The following PHF14 variants were observed in gnomAD, a reference collection of about 807,000 sequenced individuals.
The protein encoded by PHF14 is PHD finger protein 14.
A neutral mutation model predicts 117.9 loss-of-function variants in PHF14; 55 were observed. The observed-to-expected ratio is 0.47, with a 90% confidence interval of 0.38 to 0.58. PHF14 has a LOEUF of 0.58. Among genes scored for constraint, PHF14 ranks in the 20% least tolerant of loss-of-function variants. The pLI is 0.00. For missense variants in PHF14, 978 were observed against 1,122.2 expected (o/e 0.87, Z 1.84); for synonymous variants, 409 against 368.6 (o/e 1.11, Z -1.26).
At chr7:10,974,758 A>G (rs1168644261) in intron 1 of PHF14, 77 bp from the exon 2 acceptor site, 5 of 757,020 alleles carry the variant, frequency 6.6e-6, no homozygotes, top group South Asian at 5.1e-5. Flanking sequence ...GGTCATCTTT[A>G]TGTTCTCTTA....
chr7:11,161,764 G>A (rs1001497004), intron 17 of PHF14, among the ~76,000 whole-genome samples: 12 of 102,346 alleles, frequency 1.2e-4, no homozygotes, highest in Non-Finnish European at 2.5e-4. Context: ...TTAGATTTTA[G>A]ATAACATTTT....
Position 11,130,806 on chromosome 7 carries a change from T to C in PHF14, c.2772+19339T>C, listed in dbSNP as rs1788073929. 6.6e-6 allele frequency among the ~76,000 whole-genome samples: 1 copy of C among 151,942 alleles called. No individual in the cohort carries two copies. The highest frequency in any genetic ancestry group is 2.4e-5 in the African/African-American group (1 of 41,400). Reference sequence around the variant, plus strand: ...ACAGAATAGTTCACTGCCCTAAAGATCTCCTGTGCTCTGCCTATTCACCAC... The same window carrying C: ...ACAGAATAGTTCACTGCCCTAAAGACCTCCTGTGCTCTGCCTATTCACCAC... On this transcript the variant is annotated intron_variant, in intron 17 of 17. Transcript: ENST00000634607. This position sits in a 1 kb window ranked among gnomAD's most constrained non-coding sequence, Gnocchi z 4.2.
At chr7:11,123,832 C>T (rs112844620) in intron 17 of PHF14, among the ~76,000 whole-genome samples, 37 of 147,284 alleles carry the variant, frequency 2.5e-4, no homozygotes, top group Non-Finnish European at 4.1e-4. Context: ...CTGGGTGAAT[C>T]GCTTGAACCC....
At chr7:11,141,838 T>G (rs1219024294) in intron 17 of PHF14, among the ~76,000 whole-genome samples, 1 of 151,880 alleles carries the variant, frequency 6.6e-6, no homozygotes, top group African/African-American at 2.4e-5. Flanking sequence ...ATAGATTTTT[T>G]TATTCCTACT....
intron 17 of PHF14, among the ~76,000 whole-genome samples, chr7:11,142,933 A>T (rs767209483): frequency 1.7e-4 from 26 of 152,154 alleles, no homozygotes; most frequent in Non-Finnish European, 3.2e-4. Context: ...TTCTTCCCAC[A>T]CAGAAATTGT....
chr7:10,984,822 T>G (rs1782158134), intron 3 of PHF14, among the ~76,000 whole-genome samples: 1 of 152,180 alleles, frequency 6.6e-6, no homozygotes, highest in African/African-American at 2.4e-5. Flanking sequence ...TGTTGGTTGT[T>G]TAGTTTTTTT....
intron 17 of PHF14, among the ~76,000 whole-genome samples, chr7:11,122,448 T>A (rs1367785182): frequency 1.4e-5 from 2 of 142,742 alleles, no homozygotes; most frequent in African/African-American, 5.3e-5. Flanking sequence ...TATACGTATA[T>A]ATATATATTG....
intron 16 of PHF14, among the ~76,000 whole-genome samples, chr7:11,075,301 T>G (rs976359625): frequency 6.6e-6 from 1 of 152,148 alleles, no homozygotes; most frequent in African/African-American, 2.4e-5. Context: ...TAGTTGATGT[T>G]GCCATAAAGA....
chr7:11,102,320 A>G (rs1787120495), intron 16 of PHF14, among the ~76,000 whole-genome samples: 1 of 151,842 alleles, frequency 6.6e-6, no homozygotes, highest in African/African-American at 2.4e-5. Context: ...ACCAATAGGA[A>G]CCTACACAAG....
At chr7:11,026,643 C>G (rs190848520) in intron 6 of PHF14, among the ~76,000 whole-genome samples, 3 of 150,998 alleles carry the variant, frequency 2.0e-5, no homozygotes, top group South Asian at 2.1e-4. Context: ...TGTTGTTTTT[C>G]TGTATGGGTA....
chr7:11,010,645 TAC>T (rs980127554), intron 4 of PHF14, among the ~76,000 whole-genome samples: 21 of 152,026 alleles, frequency 1.4e-4, no homozygotes, highest in African/African-American at 4.6e-4. Flanking sequence ...CATATATATA[TAC>T]ACACACACAT....
rs1215597920 is a variant in PHF14, at chr7:11,115,496, GT to G, written c.2772+4035del. 5.3e-5 allele frequency among the ~76,000 whole-genome samples: 8 copies of G among 152,042 alleles called. No homozygotes were observed. In the East Asian group the frequency reaches 1.5e-3, roughly 29 times the overall value. On this transcript the variant is annotated intron_variant, in intron 17 of 17. Transcript: ENST00000634607. ...TTATGTTGAGGTGCATACTTAAGATGTTTTTTCTATTGATTTGCATCATCAA... is the reference window on the plus strand; with the variant it reads ...TTATGTTGAGGTGCATACTTAAGATGTTTTTCTATTGATTTGCATCATCAA...
intron 13 of PHF14, among the ~76,000 whole-genome samples, chr7:11,045,305 C>T (rs1268985160): frequency 2.0e-5 from 3 of 152,028 alleles, no homozygotes; most frequent in Admixed American, 6.6e-5. Flanking sequence ...GATCAAATTT[C>T]CTTTGATCAC....
At chr7:11,153,483 C>G (rs929167092) in intron 17 of PHF14, among the ~76,000 whole-genome samples, 7 of 151,898 alleles carry the variant, frequency 4.6e-5, no homozygotes, top group Non-Finnish European at 7.4e-5. Flanking sequence ...TTATTGGAGA[C>G]AAGTAGCAGT....
In PHF14 at chr7:11,141,519, T is replaced by C. The variant is rs757014023; in HGVS notation, c.2773-27897T>C. Among the ~76,000 whole-genome samples the C allele has an allele frequency of 5.3e-5, 8 of 152,236 alleles. 1 individual carries two copies. Among genetic ancestry groups the C allele is most frequent in the Non-Finnish European group, 1.2e-4 (8 of 67,950 alleles). On this transcript the variant is annotated intron_variant, in intron 17 of 17. Transcript: ENST00000634607. ...TGCTAGTTGGGTTTATTGTTTGTTA[T>C]ATGCAGAAAAAGTAAAAATGTTTTC...
intron 10 of PHF14, among the ~76,000 whole-genome samples, chr7:11,038,247 A>T (rs1171199683): frequency 6.6e-6 from 1 of 152,088 alleles, no homozygotes; most frequent in Non-Finnish European, 1.5e-5. Flanking sequence ...CCTGGCCAAC[A>T]TGGCAAAACC....
intron 7 of PHF14, among the ~76,000 whole-genome samples, chr7:11,029,469 A>G (rs1784045867): frequency 1.3e-5 from 2 of 152,180 alleles, no homozygotes; most frequent in Non-Finnish European, 2.9e-5. Context: ...TATAGAAACA[A>G]TTTTGAGAAT....
intron 17 of PHF14, among the ~76,000 whole-genome samples, chr7:11,149,227 C>G (rs1021307637): frequency 6.6e-6 from 1 of 152,038 alleles, no homozygotes; most frequent in Non-Finnish European, 1.5e-5. Flanking sequence ...TCATAGGATG[C>G]ACACACACAA....
rs116447173 is a variant in PHF14 at position 11,095,741 on chromosome 7, A to G, written c.2655-15609A>G. On this transcript the variant is annotated intron_variant, in intron 16 of 17. Coordinates refer to ENST00000634607, the MANE Select transcript of PHF14 (RefSeq NM_001007157.2). ...TCTGTGTTTCAAATGAGAAGCTCCT[A>G]TAATCACCTACAAAATGATAATCCC... 5.4e-3 allele frequency among the ~76,000 whole-genome samples: 829 copies of G among 152,294 alleles called. 5 individuals carry two copies. The highest frequency in any genetic ancestry group is 0.019 in the African/African-American group (780 of 41,566).
Sources: gnomAD v4.1 joint callset for allele counts (sites outside exome capture counted in the v4.1 genomes callset) on GRCh38, gnomAD v4.1.1 for gene constraint, Gnocchi (gnomAD v3.1) non-coding constraint, MANE v1.5 for transcripts, NCBI Gene and HGNC (gene_info 2026-07-23, HGNC 2026-07-21) for gene names.